The following TDRP variants were observed in gnomAD, a reference collection of about 807,000 sequenced individuals.
The protein encoded by TDRP is testis development related protein, also known as testis development-related protein.
A neutral mutation model predicts 10.5 loss-of-function variants in TDRP; 12 were observed. That is an observed-to-expected ratio of 1.15 (90% CI 0.73 to 1.86). The LOEUF is 1.86. Among genes scored for constraint, TDRP ranks in the 40% most tolerant of loss-of-function variants. The probability of loss-of-function intolerance (pLI) is 0.00; values close to 1 mark genes in which losing one functional copy is unlikely to be tolerated. For missense variants in TDRP, 353 were observed against 229.2 expected (o/e 1.54, Z -3.49); for synonymous variants, 139 against 95.4 (o/e 1.46, Z -2.67).
Position 527,478 on chromosome 8 carries a change from A to C in TDRP, c.108+17172T>G, listed in dbSNP as rs556096747. On this transcript the variant is annotated intron_variant, in intron 1 of 2. Transcript: ENST00000324079. ...CAAAGCTATCCTGAGCAAAAAGAAC[A>C]AAACTGGAGGAATCATGTTACCCGA... Among the ~76,000 whole-genome samples the C allele has an allele frequency of 5.3e-5, 8 of 152,290 alleles. 1 individual carries two copies. The highest frequency in any genetic ancestry group is 1.4e-4 in the African/African-American group (6 of 41,556).
chr8:507,729 GCAA>G, intron 1 of TDRP, among the ~76,000 whole-genome samples: 1 of 152,092 alleles, frequency 6.6e-6, no homozygotes, highest in Non-Finnish European at 1.5e-5. Context: ...AATAACAACA[GCAA>G]CAATGGGAAA....
intron 1 of TDRP, among the ~76,000 whole-genome samples, chr8:509,409 G>C (rs1419422298): frequency 6.6e-6 from 1 of 152,168 alleles, no homozygotes; most frequent in Admixed American, 6.5e-5. Context: ...CTGAAATCTA[G>C]CCAGAGGTTC....
At chr8:515,028 T>C (rs1307131386) in intron 1 of TDRP, among the ~76,000 whole-genome samples, 1 of 152,208 alleles carries the variant, frequency 6.6e-6, no homozygotes, top group Non-Finnish European at 1.5e-5. Flanking sequence ...TGATTAAATA[T>C]TCCATCAATA....
chr8:504,701 A>C (rs1219394439), intron 1 of TDRP, among the ~76,000 whole-genome samples: 1 of 152,228 alleles, frequency 6.6e-6, no homozygotes, highest in Non-Finnish European at 1.5e-5. Context: ...AATTTGGGTC[A>C]ACAGACTTTG....
intron 1 of TDRP, among the ~76,000 whole-genome samples, chr8:540,347 A>C (rs1403868167): frequency 6.6e-6 from 1 of 152,252 alleles, no homozygotes; most frequent in Non-Finnish European, 1.5e-5. Context: ...CTCAAGGTAC[A>C]GAAAAATGTT....
rs535052720 is a variant in TDRP, at chr8:494,417, C to G, written c.212+77G>C. ...TCCAGTTACACTGCATTTATGCCAT[C>G]AAATCTTCATTTCCACCTCCTCAGT... is the stretch of plus-strand genomic sequence containing the variant. On this transcript the variant is annotated intron_variant, in intron 2 of 2. Transcript: ENST00000324079. 1.9e-5 allele frequency: 27 copies of G among 1,439,378 alleles called. No homozygotes were observed. The South Asian group carries it at 2.4e-4, about 13-fold the overall frequency. The allele number at this position is 1,439,378 out of a possible 1,614,324, so 89.2% of individuals were successfully genotyped here. A position where few individuals can be genotyped will look rare whatever the true frequency, so the allele number is the denominator to read the frequency against.
chr8:491,522 C>G lies in TDRP; in HGVS notation c.*877G>C. ...CAGATCTAACACCAATCACAATAGGCATCTCGCTTTGCAAGAACAAACATA... is the reference window on the plus strand; with the variant it reads ...CAGATCTAACACCAATCACAATAGGGATCTCGCTTTGCAAGAACAAACATA... On this transcript the variant is annotated 3_prime_UTR_variant, in exon 3 of 3. Transcript: ENST00000324079. 1 of 1,238,024 alleles carries G rather than the reference C, an allele frequency of 8.1e-7. No individual in the cohort carries two copies. The highest frequency in any genetic ancestry group is 1.1e-6 in the Non-Finnish European group (1 of 910,190). The allele number at this position is 1,238,024 out of a possible 1,614,324, so 76.7% of individuals were successfully genotyped here.
chr8:529,044 G>C (rs1343609649), intron 1 of TDRP, among the ~76,000 whole-genome samples: 1 of 152,154 alleles, frequency 6.6e-6, no homozygotes, highest in Non-Finnish European at 1.5e-5. Flanking sequence ...GGCTAGGCCA[G>C]TCTAGCCTTT....
chr8:540,724 T>C (rs1802469924), intron 1 of TDRP, among the ~76,000 whole-genome samples: 2 of 151,408 alleles, frequency 1.3e-5, no homozygotes, highest in African/African-American at 2.4e-5. Flanking sequence ...TTAGTAATAG[T>C]TAAGTGTCCC....
intron 1 of TDRP, among the ~76,000 whole-genome samples, chr8:541,447 A>G (rs566864986): frequency 6.6e-6 from 1 of 152,254 alleles, no homozygotes; most frequent in Non-Finnish European, 1.5e-5. Context: ...CTGCTCTGAA[A>G]AAGACACTGT....
chr8:518,679 G>C (rs377530777), intron 1 of TDRP, among the ~76,000 whole-genome samples: 1 of 151,650 alleles, frequency 6.6e-6, no homozygotes, highest in African/African-American at 2.4e-5. Context: ...GGAACTAAAA[G>C]AATCTGATCT....
chr8:517,446 C>G (rs1469042553), intron 1 of TDRP, among the ~76,000 whole-genome samples: 1 of 152,132 alleles, frequency 6.6e-6, no homozygotes, highest in African/African-American at 2.4e-5. Context: ...CTCTCTGAAG[C>G]CTCTACCTGG....
chr8:519,511 G>A (rs1801842424), intron 1 of TDRP, among the ~76,000 whole-genome samples: 2 of 151,900 alleles, frequency 1.3e-5, no homozygotes, highest in African/African-American at 4.8e-5. Flanking sequence ...GCAAACTGTT[G>A]TACAACAGAT....
intron 1 of TDRP, among the ~76,000 whole-genome samples, chr8:512,103 A>G (rs956523969): frequency 2.6e-5 from 4 of 152,148 alleles, no homozygotes; most frequent in African/African-American, 7.2e-5. Flanking sequence ...AGAAATAAAC[A>G]AAACCAAAAT....
chr8:509,703 T>C lies in TDRP; in HGVS notation c.109-15106A>G, dbSNP rs143360170. 3.3e-3 allele frequency among the ~76,000 whole-genome samples: 497 copies of C among 152,248 alleles called. 3 individuals carry two copies. Among genetic ancestry groups the C allele is most frequent in the African/African-American group, 0.011 (469 of 41,542 alleles). Reference sequence around the variant, plus strand: ...TGACATGCCCTGGAGACAATTTCCCTATTGTCTTGATGATTAACATTTGGC... The same window carrying C: ...TGACATGCCCTGGAGACAATTTCCCCATTGTCTTGATGATTAACATTTGGC... On this transcript the variant is annotated intron_variant, in intron 1 of 2. Coordinates refer to ENST00000324079, the MANE Select transcript of TDRP (RefSeq NM_001384899.1).
intron 1 of TDRP, among the ~76,000 whole-genome samples, chr8:505,992 C>T (rs1263379288): frequency 6.6e-6 from 1 of 152,140 alleles, no homozygotes; most frequent in Non-Finnish European, 1.5e-5. Context: ...GAAATGTGGG[C>T]ATGGACATCA....
At chr8:523,645 G>A (rs1008317111) in intron 1 of TDRP, among the ~76,000 whole-genome samples, 3 of 152,056 alleles carry the variant, frequency 2.0e-5, no homozygotes, top group African/African-American at 7.2e-5. Flanking sequence ...AGTTAACATC[G>A]GCAATAGCCT....
intron 1 of TDRP, among the ~76,000 whole-genome samples, chr8:503,676 C>G (rs1000803358): frequency 4.8e-5 from 7 of 146,384 alleles, no homozygotes; most frequent in African/African-American, 1.8e-4. Context: ...CACACACCAA[C>G]ACGGAATCCA....
At chr8:512,744 G>C (rs1801652306) in intron 1 of TDRP, among the ~76,000 whole-genome samples, 1 of 152,100 alleles carries the variant, frequency 6.6e-6, no homozygotes, top group Non-Finnish European at 1.5e-5. Flanking sequence ...GTAGGCAAAG[G>C]TGGGCAGATC....
Sources: gnomAD v4.1 joint callset for allele counts (sites outside exome capture counted in the v4.1 genomes callset) on GRCh38, gnomAD v4.1.1 for gene constraint, MANE v1.5 for transcripts, NCBI Gene and HGNC (gene_info 2026-07-23, HGNC 2026-07-21) for gene names.